RSRP1: variants seen among roughly 807,000 people sequenced by gnomAD.
RSRP1 encodes the protein arginine/serine-rich protein 1.
RSRP1 carries 37 observed loss-of-function variants against 33.0 expected under a neutral mutation model. That is an observed-to-expected ratio of 1.12 (90% confidence interval 0.86 to 1.48). The LOEUF is 1.48. Among genes scored for constraint, RSRP1 ranks in the 40% most tolerant of loss-of-function variants. RSRP1 has a pLI of 0.00. For synonymous variants in RSRP1, 167 were observed against 158.7 expected (o/e 1.05, Z -0.40); for missense variants, 402 against 385.3 (o/e 1.04, Z -0.36).
intron 1 of RSRP1, chr1:25,306,789 G>A (rs747805236): frequency 7.5e-7 from 1 of 1,324,782 alleles, no homozygotes; most frequent in Non-Finnish European, 1.1e-6. Context: ...AGGAAGAAAT[G>A]TGTGCAGAGT....
At chr1:25,322,527 G>T (rs1327442804) in intron 1 of RSRP1, among the ~76,000 whole-genome samples, 1 of 132,424 alleles carries the variant, frequency 7.6e-6, no homozygotes, top group East Asian at 1.9e-4. Context: ...ACAAAAGTTA[G>T]CTGGGTGTGG....
At chr1:25,299,661 G>T (rs1400838401) in intron 1 of RSRP1, among the ~76,000 whole-genome samples, 1 of 131,578 alleles carries the variant, frequency 7.6e-6, no homozygotes, top group African/African-American at 2.6e-5. Flanking sequence ...ATCCTGCAGG[G>T]TCGTGGCAAG....
In RSRP1 at chr1:25,301,557, C is replaced by T. The variant is rs1444909596; in HGVS notation, c.-67+36421G>A. The T allele has an allele frequency of 2.2e-6, 3 of 1,379,592 alleles. 1 individual carries two copies. The highest frequency in any genetic ancestry group is 1.2e-5 in the South Asian group (1 of 84,948). 85.5% of individuals were successfully genotyped at this position (1,379,592 alleles called of 1,614,324 possible). On this transcript the variant is annotated intron_variant, in intron 1 of 1. Coordinates refer to the RSRP1 transcript ENST00000561867. ...TGTGGATGTTCTGGCCAAGTTTCAA[C>T]TCTGCTCTGCTGAGAAGTCCAATCG...
At chr1:25,267,878 G>C (rs1381876065) in intron 1 of RSRP1, 1 of 131,532 alleles carries the variant, frequency 7.6e-6, no homozygotes, top group African/African-American at 2.6e-5. Flanking sequence ...CCAGAGCGGC[G>C]GAAAGCCCCT....
At chr1:25,261,163 T>G (rs192393751) in intron 1 of RSRP1, among the ~76,000 whole-genome samples, 263 of 152,306 alleles carry the variant, frequency 1.7e-3, no homozygotes, top group Non-Finnish European at 3.1e-3. Context: ...TGACCTCATT[T>G]GACCTTAACT....
chr1:25,337,465 T>TTGCTAAGTCAC, intron 1 of RSRP1: 1 of 144,950 alleles, frequency 6.9e-6, no homozygotes, highest in African/African-American at 2.6e-5. Context: ...AGCTAAGTCA[T>TTGCTAAGTCAC]CGTTGCTTCC....
At position 25,292,622 on chromosome 1, in the gene RSRP1, G is replaced by A. The variant is rs1207790215; in HGVS notation, c.-67+45356C>T. ...GAGGGAAAACCCAGAGTTCAGTGTC[G>A]AATGTGGTAGCGTTAGGGTTAAGGT... On this transcript the variant is annotated intron_variant, in intron 1 of 1. Transcript: ENST00000561867. Among the ~76,000 whole-genome samples, 2 of 129,378 alleles carry A rather than the reference G, an allele frequency of 1.5e-5. 1 individual carries two copies. The highest frequency in any genetic ancestry group is 3.9e-4 in the East Asian group (2 of 5,068). The allele number at this position is 129,378 out of a possible 152,430, so 84.9% of individuals were successfully genotyped here. A position where few individuals can be genotyped will look rare whatever the true frequency, so the allele number is the denominator to read the frequency against.
Position 25,321,782 on chromosome 1 carries a change from G to C in RSRP1, c.-67+16196C>G. 3 of 571,548 alleles carry C rather than the reference G, an allele frequency of 5.2e-6. 1 individual carries two copies. The highest frequency in any genetic ancestry group is 1.0e-5 in the Non-Finnish European group (3 of 301,366). 35.4% of individuals were successfully genotyped at this position (571,548 alleles called of 1,614,324 possible). ...TGTCTTTCAATTGTGGGAGAAAAAG[G>C]ATTTCTGTTGAGATACTGTCGTTTT... is the stretch of plus-strand genomic sequence containing the variant. On this transcript the variant is annotated intron_variant, in intron 1 of 1. Coordinates refer to the RSRP1 transcript ENST00000561867.
chr1:25,251,917 G>C (rs1410873954), upstream of RSRP1, among the ~76,000 whole-genome samples: 1 of 149,092 alleles, frequency 6.7e-6, no homozygotes, highest in Non-Finnish European at 1.5e-5. Flanking sequence ...TTGAGACAGA[G>C]TCTCGCTCTC....
intron 1 of RSRP1, among the ~76,000 whole-genome samples, chr1:25,336,634 A>G (rs1280646257): frequency 2.0e-5 from 3 of 150,018 alleles, no homozygotes; most frequent in Non-Finnish European, 2.9e-5. Context: ...GCAAAGAGAA[A>G]GGAGTTAGTA....
At chr1:25,274,003 T>C (rs1162992761) in intron 1 of RSRP1, among the ~76,000 whole-genome samples, 1 of 132,444 alleles carries the variant, frequency 7.6e-6, no homozygotes, top group African/African-American at 2.6e-5. Flanking sequence ...TTTAATTCAC[T>C]TCAATTTACT....
rs1416311201 is a variant in RSRP1, at chr1:25,320,584, C to T, written c.-67+17394G>A. Among the ~76,000 whole-genome samples, 4 of 131,886 alleles carry T rather than the reference C, an allele frequency of 3.0e-5. 1 individual carries two copies. The highest frequency in any genetic ancestry group is 7.2e-5 in the Non-Finnish European group (4 of 55,730). The allele number at this position is 131,886 out of a possible 152,430, so 86.5% of individuals were successfully genotyped here. ...CTAAGCACTCGCCCATTCTTGTTAA[C>T]GACACTGGAACTGATCATCCTTAAT... On this transcript the variant is annotated intron_variant, in intron 1 of 1. Coordinates refer to the RSRP1 transcript ENST00000561867.
intron 4 of RSRP1, 100 bp from the exon 5 acceptor site, chr1:25,242,805 TATTA>T: frequency 1.2e-6 from 1 of 841,530 alleles, no homozygotes; most frequent in Non-Finnish European, 1.9e-6. Context: ...GCCTTAGAGA[TATTA>T]TCAATTGCTG....
chr1:25,307,701 G>A lies in RSRP1; in HGVS notation c.-67+30277C>T, dbSNP rs1347002344. 6 of 1,308,162 alleles carry A rather than the reference G, an allele frequency of 4.6e-6. 2 individuals are homozygous for A. In the African/African-American group the frequency reaches 8.8e-5, roughly 19 times the overall value. The allele number at this position is 1,308,162 out of a possible 1,614,324, so 81.0% of individuals were successfully genotyped here. On this transcript the variant is annotated intron_variant, in intron 1 of 1. Coordinates refer to the RSRP1 transcript ENST00000561867. The stretch of plus-strand genomic sequence containing the variant: ...TGGCTGAAGCAGGTGATGAGGAGCT[G>A]ATGCGTTTGGACGTGTCTCAGAGAA...
intron 1 of RSRP1, among the ~76,000 whole-genome samples, chr1:25,283,016 TCTCTCCA>T (rs1398764805): frequency 7.5e-6 from 1 of 133,204 alleles, no homozygotes; most frequent in Non-Finnish European, 1.8e-5. Flanking sequence ...AAGATCTCTC[TCTCTCCA>T]GTCATTTATT....
intron 1 of RSRP1, among the ~76,000 whole-genome samples, chr1:25,270,011 GTGCAGT>G (rs1640445033): frequency 7.6e-6 from 1 of 132,328 alleles, no homozygotes; most frequent in Admixed American, 7.3e-5. Context: ...GGGCAGGTAG[GTGCAGT>G]TGGCTGCCTG....
At chr1:25,286,524 T>C (rs2124628911) in intron 1 of RSRP1, among the ~76,000 whole-genome samples, 1 of 135,014 alleles carries the variant, frequency 7.4e-6, no homozygotes, top group East Asian at 1.9e-4. Context: ...CAGTGGTTCA[T>C]GCCTGTAATC....
rs560741618 is a variant in RSRP1, at chr1:25,291,020, G to A, written c.-66-43991C>T. Among the ~76,000 whole-genome samples, 18 of 131,610 alleles carry A rather than the reference G, an allele frequency of 1.4e-4. 2 individuals are homozygous for A. In the South Asian group the frequency reaches 4.0e-3, roughly 29 times the overall value. The allele number at this position is 131,610 out of a possible 152,430, so 86.3% of individuals were successfully genotyped here. On this transcript the variant is annotated intron_variant, in intron 1 of 1. Coordinates refer to the RSRP1 transcript ENST00000561867. ...CTAAATTATCCAGTTGTGGTGGCATGCACCTGTAGTCTCAGTTACTCAGGA... is the reference window on the plus strand; with the variant it reads ...CTAAATTATCCAGTTGTGGTGGCATACACCTGTAGTCTCAGTTACTCAGGA...
At position 25,288,808 on chromosome 1, in the gene RSRP1, C is replaced by T. The variant is rs1175698416; in HGVS notation, c.-66-41779G>A. Among the ~76,000 whole-genome samples the T allele has an allele frequency of 7.1e-5, 9 of 127,184 alleles. No individual in the cohort carries two copies. In the East Asian group the frequency reaches 1.6e-3, roughly 22 times the overall value. The allele number at this position is 127,184 out of a possible 152,430, so 83.4% of individuals were successfully genotyped here. ...TGGCCCTTGAGGAATGAAATACCGC[C>T]GCCGGCACACACGCTCCTGAGTTAA... is the stretch of plus-strand genomic sequence containing the variant. On this transcript the variant is annotated intron_variant, in intron 1 of 1. Coordinates refer to the RSRP1 transcript ENST00000561867.
Sources: allele counts gnomAD v4.1 joint callset (sites outside exome capture counted in the v4.1 genomes callset), GRCh38; gene constraint gnomAD v4.1.1; transcripts MANE v1.5; gene names NCBI Gene and HGNC (gene_info 2026-07-23, HGNC 2026-07-21).